STARD13: variants seen among roughly 807,000 people sequenced by gnomAD.
The protein encoded by STARD13 is StAR related lipid transfer domain containing 13.
A neutral mutation model predicts 106.4 loss-of-function variants in STARD13; 62 were observed. That is an observed-to-expected ratio of 0.58 (90% CI 0.48 to 0.72). The LOEUF (loss-of-function observed/expected upper bound fraction) is 0.72, where lower values mean the gene tolerates loss of function less well. Ranked by LOEUF, STARD13 falls within the 30% of genes least tolerant of loss-of-function variation. The pLI is 0.00. For missense variants in STARD13, 1,387 were observed against 1,424.0 expected (o/e 0.97, Z 0.42); for synonymous variants, 565 against 553.0 (o/e 1.02, Z -0.31).
the STARD13 span, among the ~76,000 whole-genome samples, chr13:33,512,722 G>A: frequency 6.6e-6 from 1 of 152,074 alleles, no homozygotes. Flanking sequence ...ACCTGCCTCG[G>A]ACTCTCAAAG....
At chr13:33,181,906 A>G (rs1250073222) in intron 1 of STARD13, among the ~76,000 whole-genome samples, 3 of 122,244 alleles carry the variant, frequency 2.5e-5, no homozygotes, top group African/African-American at 1.0e-4. Flanking sequence ...GAGTAGTGAG[A>G]AAAGATTTCC....
the STARD13 span, among the ~76,000 whole-genome samples, chr13:33,525,623 C>T: frequency 6.6e-6 from 1 of 151,990 alleles, no homozygotes; most frequent in Admixed American, 6.6e-5. Flanking sequence ...TAATTCCTCC[C>T]ATTGCTTGGA....
intron 1 of STARD13, among the ~76,000 whole-genome samples, chr13:33,250,900 C>G (rs911774550): frequency 1.3e-5 from 2 of 152,130 alleles, no homozygotes; most frequent in Non-Finnish European, 2.9e-5. Flanking sequence ...TTGTTCATTA[C>G]TGGATCCTGG....
At chr13:33,438,459 G>T in the STARD13 span, among the ~76,000 whole-genome samples, 1 of 152,160 alleles carries the variant, frequency 6.6e-6, no homozygotes, top group Non-Finnish European at 1.5e-5. Flanking sequence ...CCACTTAGCT[G>T]CCAGGTGGTT....
intron 3 of STARD13, among the ~76,000 whole-genome samples, chr13:33,147,376 C>A (rs1347746762): frequency 2.0e-5 from 3 of 152,134 alleles, no homozygotes; most frequent in African/African-American, 7.2e-5. Context: ...GAAATCAAGG[C>A]TAAGGCAGAG....
chr13:33,222,001 T>C (rs573823035), intron 1 of STARD13, among the ~76,000 whole-genome samples: 56 of 152,048 alleles, frequency 3.7e-4, no homozygotes, highest in Non-Finnish European at 7.4e-5. Flanking sequence ...ATATAAAAAT[T>C]AGCTGGGTGT....
intron 1 of STARD13, among the ~76,000 whole-genome samples, chr13:33,214,459 A>G (rs1392544156): frequency 1.3e-5 from 2 of 152,122 alleles, no homozygotes; most frequent in Non-Finnish European, 2.9e-5. Context: ...GTTGTTAATC[A>G]CACTTATCAA....
chr13:33,508,604 A>T, the STARD13 span, among the ~76,000 whole-genome samples: 2 of 152,162 alleles, frequency 1.3e-5, no homozygotes, highest in African/African-American at 4.8e-5. Context: ...GGAGTGTTGT[A>T]AATGACAGTT....
chr13:33,389,414 G>A, the STARD13 span, among the ~76,000 whole-genome samples: 3 of 152,132 alleles, frequency 2.0e-5, no homozygotes, highest in African/African-American at 4.8e-5. Context: ...GAACTGTGGT[G>A]GAGGAAAGCA....
chr13:33,472,150 C>A, the STARD13 span, among the ~76,000 whole-genome samples: 1 of 151,816 alleles, frequency 6.6e-6, no homozygotes, highest in African/African-American at 2.4e-5. Context: ...AGAACTTTGT[C>A]ATCAGTTTAT....
the STARD13 span, among the ~76,000 whole-genome samples, chr13:33,601,243 G>T: frequency 3.4e-4 from 51 of 150,808 alleles, no homozygotes; most frequent in African/African-American, 1.1e-3. Context: ...GTGGCCAGCA[G>T]ACCTTGATTT....
chr13:33,592,656 G>C, the STARD13 span, among the ~76,000 whole-genome samples: 2 of 152,194 alleles, frequency 1.3e-5, no homozygotes, highest in African/African-American at 4.8e-5. Flanking sequence ...GTGCAACGAA[G>C]AGCTTAGATA....
intron 3 of STARD13, among the ~76,000 whole-genome samples, chr13:33,157,740 C>A (rs1426904796): frequency 6.6e-6 from 1 of 152,158 alleles, no homozygotes; most frequent in African/African-American, 2.4e-5. Flanking sequence ...GCAGCCTGAG[C>A]AAATACTGCA....
the STARD13 span, among the ~76,000 whole-genome samples, chr13:33,637,717 T>G: frequency 6.6e-6 from 1 of 152,204 alleles, no homozygotes; most frequent in Non-Finnish European, 1.5e-5. Context: ...ATAATTACCT[T>G]GTCAAAGACT....
intron 1 of STARD13, among the ~76,000 whole-genome samples, chr13:33,316,611 T>C (rs1893349343): frequency 6.6e-6 from 1 of 152,210 alleles, no homozygotes; most frequent in Non-Finnish European, 1.5e-5. Flanking sequence ...ACACAGCAAG[T>C]AGGTGATATT....
chr13:33,188,859 C>A lies in STARD13; in HGVS notation c.170-21237G>T, dbSNP rs149492560. On this transcript the variant is annotated intron_variant, in intron 1 of 13. Transcript: ENST00000336934. ...CAGATTAGTTGGTGAAAATGACAAA[C>A]GAAAAGACACTTTGCCTTAATAACA... Among the ~76,000 whole-genome samples the A allele has an allele frequency of 2.3e-3, 353 of 152,268 alleles. 2 individuals are homozygous for A. Among genetic ancestry groups the A allele is most frequent in the African/African-American group, 8.2e-3 (339 of 41,564 alleles).
chr13:33,139,639 T>C lies in STARD13; in HGVS notation c.387+2671A>G, dbSNP rs79272460. 3.1e-3 allele frequency among the ~76,000 whole-genome samples: 475 copies of C among 152,348 alleles called. 3 individuals are homozygous for C. The highest frequency in any genetic ancestry group is 0.011 in the African/African-American group (453 of 41,584). ...AGAGGAAATCCCGCTGCCTTATTTTTCTTCCAAATAAATAAATACTGAAGT... is the reference window on the plus strand; with the variant it reads ...AGAGGAAATCCCGCTGCCTTATTTTCCTTCCAAATAAATAAATACTGAAGT... On this transcript the variant is annotated intron_variant, in intron 4 of 13. Coordinates refer to ENST00000336934, the MANE Select transcript of STARD13 (RefSeq NM_178006.4).
the STARD13 span, among the ~76,000 whole-genome samples, chr13:33,415,184 C>T: frequency 5.3e-5 from 8 of 152,178 alleles, no homozygotes; most frequent in Admixed American, 2.6e-4. Flanking sequence ...CTGGCTAACA[C>T]GGTGAAACCC....
chr13:33,554,436 T>G, the STARD13 span, among the ~76,000 whole-genome samples: 80 of 152,318 alleles, frequency 5.3e-4, no homozygotes, highest in Non-Finnish European at 6.3e-4. Context: ...TAACCTTCCA[T>G]GCCTCAGACT....
Sources: gnomAD v4.1 joint callset for allele counts (sites outside exome capture counted in the v4.1 genomes callset) on GRCh38, gnomAD v4.1.1 for gene constraint, MANE v1.5 for transcripts, NCBI Gene and HGNC (gene_info 2026-07-23, HGNC 2026-07-21) for gene names.